The following CDYL2 variants were observed in gnomAD, a reference collection of about 807,000 sequenced individuals.
The protein encoded by CDYL2 is chromodomain Y like 2.
CDYL2 carries 23 observed loss-of-function variants against 49.4 expected under a neutral mutation model. That is an observed-to-expected ratio of 0.47 (90% confidence interval 0.34 to 0.66). The LOEUF is 0.66. CDYL2 is among the 30% of genes least tolerant of loss of function. CDYL2 has a pLI of 0.01. For missense variants in CDYL2, 678 were observed against 656.4 expected (o/e 1.03, Z -0.36); for synonymous variants, 360 against 268.8 (o/e 1.34, Z -3.32).
At chr16:80,786,875 A>G (rs1381906672) in intron 1 of CDYL2, among the ~76,000 whole-genome samples, 5 of 151,480 alleles carry the variant, frequency 3.3e-5, no homozygotes, top group Admixed American at 2.6e-4. Context: ...AACAATAAGA[A>G]CACATGAAAA....
chr16:80,620,330 T>A (rs954196060), intron 4 of CDYL2, among the ~76,000 whole-genome samples: 6 of 151,938 alleles, frequency 3.9e-5, no homozygotes, highest in African/African-American at 1.5e-4. Context: ...TCCATCAACC[T>A]CCCCACTGCT....
intron 5 of CDYL2, among the ~76,000 whole-genome samples, chr16:80,610,686 A>G (rs1906554182): frequency 6.6e-6 from 1 of 152,090 alleles, no homozygotes; most frequent in Non-Finnish European, 1.5e-5. Flanking sequence ...CAAAGCCACA[A>G]TCTTCTCTGC....
At chr16:80,645,907 T>G (rs575185493) in intron 2 of CDYL2, among the ~76,000 whole-genome samples, 1 of 146,028 alleles carries the variant, frequency 6.8e-6, no homozygotes, top group South Asian at 2.2e-4. Flanking sequence ...ACACCGCATG[T>G]TCTCACTCAT....
At chr16:80,692,665 T>A (rs1042984619) in intron 1 of CDYL2, among the ~76,000 whole-genome samples, 1 of 152,224 alleles carries the variant, frequency 6.6e-6, no homozygotes, top group Non-Finnish European at 1.5e-5. Context: ...AAAGGATTAC[T>A]TGCATATATA....
At chr16:80,632,738 G>A in intron 3 of CDYL2, 6 of 392,122 alleles carry the variant, frequency 1.5e-5, no homozygotes, top group Non-Finnish European at 2.8e-5. Context: ...TGGATTCTGG[G>A]TCTGCCCCTT....
chr16:80,782,530 G>GGA (rs1555537948), intron 1 of CDYL2, among the ~76,000 whole-genome samples: 15 of 35,802 alleles, frequency 4.2e-4, no homozygotes, highest in African/African-American at 1.3e-3. Flanking sequence ...GACATAAGGA[G>GGA]AAAAAAAAAA....
At chr16:80,790,198 C>T (rs1411537738) in intron 1 of CDYL2, among the ~76,000 whole-genome samples, 7 of 152,302 alleles carry the variant, frequency 4.6e-5, no homozygotes, top group African/African-American at 1.7e-4. Flanking sequence ...GATTACACAG[C>T]AATTCATTAA....
At chr16:80,712,089 GTATA>G (rs1255096295) in intron 1 of CDYL2, among the ~76,000 whole-genome samples, 4 of 147,334 alleles carry the variant, frequency 2.7e-5, no homozygotes, top group Admixed American at 6.8e-5. Context: ...AGATGTGTGT[GTATA>G]TATATGTGTA....
At chr16:80,611,367 C>A (rs866244462) in intron 5 of CDYL2, among the ~76,000 whole-genome samples, 1 of 152,092 alleles carries the variant, frequency 6.6e-6, no homozygotes, top group African/African-American at 2.4e-5. Context: ...AGATGGGACC[C>A]GTGCTTATGA....
chr16:80,711,249 G>T (rs1447451013), intron 1 of CDYL2, among the ~76,000 whole-genome samples: 1 of 152,162 alleles, frequency 6.6e-6, no homozygotes, highest in African/African-American at 2.4e-5. Flanking sequence ...CAAGAAGTGG[G>T]GCATTTTCAC....
chr16:80,645,281 AC>A (rs1331679442), intron 2 of CDYL2, among the ~76,000 whole-genome samples: 5 of 152,200 alleles, frequency 3.3e-5, no homozygotes, highest in Admixed American at 6.5e-5. Context: ...AAGAACTCAA[AC>A]AAATTTACAA....
intron 1 of CDYL2, among the ~76,000 whole-genome samples, chr16:80,708,941 G>A (rs1408939292): frequency 6.6e-6 from 1 of 152,148 alleles, no homozygotes; most frequent in Non-Finnish European, 1.5e-5. Flanking sequence ...AGCAACATGA[G>A]GCAATTACCT....
intron 1 of CDYL2, among the ~76,000 whole-genome samples, chr16:80,724,392 A>T (rs1382427721): frequency 1.3e-5 from 2 of 152,198 alleles, no homozygotes; most frequent in African/African-American, 4.8e-5. Context: ...TAGCATTGCT[A>T]TCAGGTGGCT....
At chr16:80,685,194 A>C in intron 1 of CDYL2, 65 bp from the exon 2 acceptor site, 4 of 1,257,330 alleles carry the variant, frequency 3.2e-6, no homozygotes, top group Non-Finnish European at 4.5e-6. Flanking sequence ...AGTTCGAGGC[A>C]ACAAGAACAC....
intron 1 of CDYL2, among the ~76,000 whole-genome samples, chr16:80,720,741 A>G (rs1904969994): frequency 6.6e-6 from 1 of 152,144 alleles, no homozygotes; most frequent in African/African-American, 2.4e-5. Context: ...ACTTATTATT[A>G]CTTTCATTCA....
At chr16:80,695,564 A>T (rs2142493275) in intron 1 of CDYL2, among the ~76,000 whole-genome samples, 1 of 152,322 alleles carries the variant, frequency 6.6e-6, no homozygotes, top group South Asian at 2.1e-4. Flanking sequence ...AAAAAGATAC[A>T]CTACACAAAC....
chr16:80,666,393 G>A (rs148357607), intron 2 of CDYL2, among the ~76,000 whole-genome samples: 15 of 152,250 alleles, frequency 9.9e-5, no homozygotes, highest in African/African-American at 3.4e-4. Context: ...TTGGGCATTC[G>A]CTCTCTCATA....
chr16:80,759,244 T>C (rs1311963463), intron 1 of CDYL2, among the ~76,000 whole-genome samples: 1 of 150,492 alleles, frequency 6.6e-6, no homozygotes, highest in Admixed American at 6.6e-5. Flanking sequence ...CTCTGAGTGA[T>C]GGATGTATGC....
chr16:80,660,904 A>G (rs1909013870), intron 2 of CDYL2, among the ~76,000 whole-genome samples: 1 of 152,180 alleles, frequency 6.6e-6, no homozygotes, highest in South Asian at 2.1e-4. Flanking sequence ...ACACAGAAGG[A>G]AAGATAGAAA....
Sources: gnomAD v4.1 joint callset for allele counts (sites outside exome capture counted in the v4.1 genomes callset) on GRCh38, gnomAD v4.1.1 for gene constraint, MANE v1.5 for transcripts, NCBI Gene and HGNC (gene_info 2026-07-23, HGNC 2026-07-21) for gene names.